The following TTC7B variants were observed in gnomAD, a reference collection of about 807,000 sequenced individuals.
TTC7B encodes tetratricopeptide repeat domain 7B, also known as tetratricopeptide repeat protein 7B.
In TTC7B, 28 loss-of-function variants were observed where a neutral mutation model predicts 106.8. That is an observed-to-expected ratio of 0.26 (90% CI 0.19 to 0.36). TTC7B has a LOEUF of 0.36. Among genes scored for constraint, TTC7B ranks in the 10% least tolerant of loss-of-function variants. The pLI is 1.00. For missense variants in TTC7B, 862 were observed against 1,076.4 expected (o/e 0.80, Z 2.79); for synonymous variants, 405 against 430.6 (o/e 0.94, Z 0.74).
intron 3 of TTC7B, among the ~76,000 whole-genome samples, chr14:90,770,995 G>C (rs1890845155): frequency 6.6e-6 from 1 of 152,100 alleles, no homozygotes; most frequent in Non-Finnish European, 1.5e-5. Flanking sequence ...CCTAGAGTAG[G>C]CAAAATCAGA....
chr14:90,776,631 A>T (rs1891040686), intron 3 of TTC7B, among the ~76,000 whole-genome samples: 1 of 152,228 alleles, frequency 6.6e-6, no homozygotes, highest in Non-Finnish European at 1.5e-5. Flanking sequence ...CAAGGGCAGG[A>T]GTACAAATCT....
intron 19 of TTC7B, among the ~76,000 whole-genome samples, chr14:90,568,169 G>A (rs1890878429): frequency 6.6e-6 from 1 of 152,194 alleles, no homozygotes; most frequent in Non-Finnish European, 1.5e-5. Context: ...GGATGGGGGT[G>A]GCTGAGGAAT....
At chr14:90,803,063 A>G (rs1170048655) in intron 1 of TTC7B, among the ~76,000 whole-genome samples, 2 of 151,926 alleles carry the variant, frequency 1.3e-5, no homozygotes, top group Non-Finnish European at 2.9e-5. Context: ...GAATCGCTTG[A>G]AACCGGGAGG....
chr14:90,787,929 G>C (rs1017009157), intron 1 of TTC7B, among the ~76,000 whole-genome samples: 6 of 152,186 alleles, frequency 3.9e-5, no homozygotes, highest in African/African-American at 1.4e-4. Context: ...TTGGGAGGCT[G>C]AGGCAGGGGA....
chr14:90,605,968 G>A (rs556745607), intron 17 of TTC7B, among the ~76,000 whole-genome samples: 2 of 152,082 alleles, frequency 1.3e-5, no homozygotes, highest in Non-Finnish European at 2.9e-5. Context: ...TAGTTGGTCC[G>A]CAACAACACC....
intron 14 of TTC7B, chr14:90,644,753 T>C (rs1885360307): frequency 1.3e-5 from 2 of 152,382 alleles, no homozygotes; most frequent in Admixed American, 1.3e-4. Flanking sequence ...GGTTCCTTTG[T>C]CTTGGACCTC....
At chr14:90,548,490 G>A (rs1020251336) in intron 19 of TTC7B, among the ~76,000 whole-genome samples, 1 of 152,352 alleles carries the variant, frequency 6.6e-6, no homozygotes, top group Middle Eastern at 3.4e-3. Flanking sequence ...TATGATCAAT[G>A]TAGTGTATGT....
At chr14:90,774,749 C>G (rs1034398843) in intron 3 of TTC7B, among the ~76,000 whole-genome samples, 1 of 152,190 alleles carries the variant, frequency 6.6e-6, no homozygotes, top group African/African-American at 2.4e-5. Flanking sequence ...CCTAAAGAGT[C>G]CCCCGCTAGG....
At chr14:90,610,458 G>T (rs184569008) in intron 17 of TTC7B, among the ~76,000 whole-genome samples, 1 of 152,308 alleles carries the variant, frequency 6.6e-6, no homozygotes, top group African/African-American at 2.4e-5. Flanking sequence ...AACCTGATGG[G>T]GACAGAAACC....
chr14:90,607,577 G>A (rs1264034237), intron 17 of TTC7B, among the ~76,000 whole-genome samples: 4 of 152,160 alleles, frequency 2.6e-5, no homozygotes, highest in African/African-American at 9.7e-5. Flanking sequence ...TTTTCTGGAT[G>A]AGCAGTGTTG....
In TTC7B at chr14:90,608,349, GGCGT is replaced by G. The variant is rs772742915; in HGVS notation, c.1966+2389_1966+2392del. 1.4e-4 allele frequency among the ~76,000 whole-genome samples: 22 copies of G among 152,050 alleles called. No individual in the cohort carries two copies. Among genetic ancestry groups the G allele is most frequent in the Non-Finnish European group, 1.8e-4 (12 of 68,022 alleles). On this transcript the variant is annotated intron_variant, in intron 17 of 19. Transcript: ENST00000328459. The surrounding 1 kb of genome is among the most constrained non-coding windows in gnomAD (Gnocchi z 5.1). ...TCCCTGGTCTCTTGGTTAAATTGTC[GGCGT>G]GCAAATCAGTATTTTGCAGCTGCCT...
At chr14:90,593,344 T>C (rs1204233590) in intron 18 of TTC7B, 142 bp downstream of exon 18, 2 of 1,244,594 alleles carry the variant, frequency 1.6e-6, no homozygotes, top group Non-Finnish European at 1.1e-6. Flanking sequence ...TTTTGGTGCA[T>C]GGCCGTGAAG....
intron 5 of TTC7B, 118 bp from the exon 6 acceptor site, chr14:90,695,696 C>T (rs900220375): frequency 1.4e-4 from 69 of 488,490 alleles, no homozygotes; most frequent in African/African-American, 9.6e-4. Context: ...TTTAAGCAAA[C>T]GATTACTCTG....
At chr14:90,694,718 A>ATATATTTTATTTTATTATAAAC (rs1887622512) in intron 6 of TTC7B, among the ~76,000 whole-genome samples, 1 of 137,028 alleles carries the variant, frequency 7.3e-6, no homozygotes. Context: ...TTATTATAAA[A>ATATATTTTATTTTATTATAAAC]TAGGTATATT....
At position 90,541,190 on chromosome 14, in the gene TTC7B, A is replaced by G; in HGVS notation, c.*178T>C. 2.0e-6 allele frequency: 1 copy of G among 491,978 alleles called. No individual in the cohort carries two copies. Among genetic ancestry groups the G allele is most frequent in the Non-Finnish European group, 3.5e-6 (1 of 285,620 alleles). 30.5% of individuals were successfully genotyped at this position (491,978 alleles called of 1,614,324 possible). ...ATTGGGCTGGCAAAAAAAACAAGAG[A>G]AACGCACATGGCGAGAGCGATGATT... On this transcript the variant is annotated 3_prime_UTR_variant, in exon 20 of 20. Transcript: ENST00000328459.
intron 17 of TTC7B, among the ~76,000 whole-genome samples, chr14:90,604,527 G>T (rs1289482679): frequency 6.6e-6 from 1 of 152,150 alleles, no homozygotes; most frequent in Non-Finnish European, 1.5e-5. Flanking sequence ...TGAACAAAGC[G>T]GGTGAGCCAT....
At chr14:90,798,498 G>T (rs1051483713) in intron 1 of TTC7B, among the ~76,000 whole-genome samples, 1 of 152,046 alleles carries the variant, frequency 6.6e-6, no homozygotes, top group Non-Finnish European at 1.5e-5. Context: ...CTCGCCTGAG[G>T]TCAAGAGTTC....
At position 90,528,819 on chromosome 14, in the gene TTC7B, G is replaced by A. The variant is rs1566753808; in HGVS notation, c.*12549C>T. The A allele has an allele frequency of 6.5e-6, 1 of 153,114 alleles. No homozygotes were observed. The highest frequency in any genetic ancestry group is 1.5e-5 in the Non-Finnish European group (1 of 68,826). 9.5% of individuals were successfully genotyped at this position (153,114 alleles called of 1,614,324 possible). On this transcript the variant is annotated 3_prime_UTR_variant, in exon 20 of 20. Coordinates refer to ENST00000328459, the MANE Select transcript of TTC7B (RefSeq NM_001010854.2). ...TGGTGGTGTGACCCAACTGCACTTT[G>A]TTACCTGTTTCTGATGGTGTGACAT...
chr14:90,743,393 A>C (rs569277118), intron 4 of TTC7B, among the ~76,000 whole-genome samples: 1 of 152,330 alleles, frequency 6.6e-6, no homozygotes, highest in East Asian at 1.9e-4. Flanking sequence ...CTGTCTGTTC[A>C]TTTATAAAGT....
Sources: allele counts gnomAD v4.1 joint callset (sites outside exome capture counted in the v4.1 genomes callset), GRCh38; gene constraint gnomAD v4.1.1; non-coding constraint Gnocchi (gnomAD v3.1); transcripts MANE v1.5; gene names NCBI Gene and HGNC (gene_info 2026-07-23, HGNC 2026-07-21).